Variants in INPP4B observed in about 807,000 individuals in gnomAD.
The protein encoded by INPP4B is inositol polyphosphate-4-phosphatase type II B.
In INPP4B, 55 loss-of-function variants were observed where a neutral mutation model predicts 122.5. The ratio of observed to expected loss-of-function variants is 0.45; its 90% CI spans 0.36 to 0.56. INPP4B has a LOEUF of 0.56. INPP4B is among the 20% of genes least tolerant of loss of function. The pLI, the probability that INPP4B is intolerant of heterozygous loss-of-function variation, is 0.00. For missense variants in INPP4B, 1,000 were observed against 1,097.7 expected (o/e 0.91, Z 1.26); for synonymous variants, 403 against 388.7 (o/e 1.04, Z -0.43).
intron 17 of INPP4B, among the ~76,000 whole-genome samples, chr4:142,149,216 G>A (rs1314239266): frequency 6.6e-6 from 1 of 152,204 alleles, no homozygotes. Flanking sequence ...CTGGCTCTCA[G>A]TAATTTTTGT....
At chr4:142,283,099 A>AAGG (rs1751941149) in intron 9 of INPP4B, among the ~76,000 whole-genome samples, 1 of 151,874 alleles carries the variant, frequency 6.6e-6, no homozygotes, top group African/African-American at 2.4e-5. Context: ...TAGGAGGAAG[A>AAGG]GGAGATGTAT....
intron 1 of INPP4B, among the ~76,000 whole-genome samples, chr4:142,832,732 G>A (rs73850577): frequency 0.019 from 2,942 of 151,532 alleles, 91 homozygotes; most frequent in African/African-American, 0.068. Flanking sequence ...GACAGCTCAT[G>A]TCTATTCACA....
chr4:142,492,497 G>C (rs191857047), intron 2 of INPP4B, among the ~76,000 whole-genome samples: 1 of 152,282 alleles, frequency 6.6e-6, no homozygotes, highest in African/African-American at 2.4e-5. Flanking sequence ...TTGTTGAATG[G>C]CTTTGACCAA....
chr4:142,196,498 A>G (rs772748907), intron 14 of INPP4B, among the ~76,000 whole-genome samples: 9 of 151,176 alleles, frequency 6.0e-5, no homozygotes, highest in Admixed American at 2.0e-4. Context: ...ATCATGTTCG[A>G]CTCCTCTCCT....
chr4:142,292,442 C>T (rs1242824392), intron 9 of INPP4B, among the ~76,000 whole-genome samples: 4 of 152,172 alleles, frequency 2.6e-5, no homozygotes, highest in Non-Finnish European at 4.4e-5. Context: ...GCCCAACAAA[C>T]AAGCAAACCC....
rs529072092 is a variant in INPP4B, at chr4:142,325,185, C to T, written c.373-10423G>A. ...GTTGCCAGAAGGAGCAGTGCTTGTC[C>T]CACCTACCACATCCTACCCAAACCG... On this transcript the variant is annotated intron_variant, in intron 7 of 25. Transcript: ENST00000262992. 4.6e-5 allele frequency among the ~76,000 whole-genome samples: 7 copies of T among 152,212 alleles called. No homozygotes were observed. In the South Asian group the frequency reaches 1.2e-3, roughly 27 times the overall value.
At chr4:142,088,932 G>A (rs1171741178) in intron 23 of INPP4B, among the ~76,000 whole-genome samples, 4 of 152,172 alleles carry the variant, frequency 2.6e-5, no homozygotes, top group Non-Finnish European at 5.9e-5. Context: ...AAAGATTTGT[G>A]AAGCAAGGGA....
intron 2 of INPP4B, among the ~76,000 whole-genome samples, chr4:142,700,444 A>G (rs916207970): frequency 1.3e-5 from 2 of 152,196 alleles, no homozygotes; most frequent in African/African-American, 4.8e-5. Flanking sequence ...AACTCAATCT[A>G]TAGGAATTGA....
At chr4:142,666,458 TAAC>T (rs1158361556) in intron 2 of INPP4B, among the ~76,000 whole-genome samples, 1 of 152,098 alleles carries the variant, frequency 6.6e-6, no homozygotes, top group African/African-American at 2.4e-5. Context: ...TTATGTGAGT[TAAC>T]AAATATTTAT....
At chr4:142,640,026 A>C (rs1750035791) in intron 2 of INPP4B, among the ~76,000 whole-genome samples, 1 of 152,132 alleles carries the variant, frequency 6.6e-6, no homozygotes, top group Non-Finnish European at 1.5e-5. Context: ...TTCAGTAATA[A>C]TATGAATAGT....
chr4:142,425,532 C>T (rs555640454), intron 5 of INPP4B, among the ~76,000 whole-genome samples: 1 of 151,990 alleles, frequency 6.6e-6, no homozygotes, highest in African/African-American at 2.4e-5. Flanking sequence ...TTATAAGAAC[C>T]CTATTATGTG....
At chr4:142,049,442 T>G (rs915306117) in intron 25 of INPP4B, among the ~76,000 whole-genome samples, 5 of 152,074 alleles carry the variant, frequency 3.3e-5, no homozygotes, top group African/African-American at 1.2e-4. Context: ...AAAGAAGTTA[T>G]GTAATAATTA....
Position 142,705,167 on chromosome 4 carries a change from A to G in INPP4B, c.-191+20672T>C, listed in dbSNP as rs76341131. On this transcript the variant is annotated intron_variant, in intron 2 of 25. Coordinates refer to ENST00000262992, the MANE Select transcript of INPP4B (RefSeq NM_001101669.3). ...CATATTTTATTTCCAATCTACACAT[A>G]TTTCCTGGAAATGTCCTCCACTGCC... Among the ~76,000 whole-genome samples, 272 of 151,952 alleles carry G rather than the reference A, an allele frequency of 1.8e-3. 6 individuals are homozygous for G. The East Asian group carries it at 0.045, about 25-fold the overall frequency.
intron 2 of INPP4B, among the ~76,000 whole-genome samples, chr4:142,498,775 G>A (rs531731454): frequency 1.1e-3 from 160 of 152,094 alleles, no homozygotes; most frequent in African/African-American, 3.7e-3. Context: ...GGTGACAGAC[G>A]GAGATCCTGT....
intron 8 of INPP4B, among the ~76,000 whole-genome samples, chr4:142,309,660 G>T (rs905403126): frequency 6.6e-6 from 1 of 152,140 alleles, no homozygotes; most frequent in Non-Finnish European, 1.5e-5. Flanking sequence ...TCTAGGACAG[G>T]TGGCAATTCC....
intron 10 of INPP4B, among the ~76,000 whole-genome samples, chr4:142,265,164 T>A (rs1742159434): frequency 6.6e-6 from 1 of 152,160 alleles, no homozygotes; most frequent in Non-Finnish European, 1.5e-5. Flanking sequence ...GAAAATAAAT[T>A]CCTGTTGTTT....
intron 1 of INPP4B, among the ~76,000 whole-genome samples, chr4:142,730,456 G>A (rs1242694433): frequency 6.6e-6 from 1 of 152,158 alleles, no homozygotes; most frequent in Non-Finnish European, 1.5e-5. Context: ...CAAGTGGAGT[G>A]TCTAACAGCT....
At chr4:142,832,666 T>A (rs537721549) in intron 1 of INPP4B, among the ~76,000 whole-genome samples, 2 of 152,330 alleles carry the variant, frequency 1.3e-5, no homozygotes, top group South Asian at 4.1e-4. Flanking sequence ...GAATTTAAAC[T>A]GCTTTAGGCA....
At position 142,271,108 on chromosome 4, in the gene INPP4B, C is replaced by T. The variant is rs139872428; in HGVS notation, c.504-334G>A. On this transcript the variant is annotated intron_variant, in intron 9 of 25. Transcript: ENST00000262992. ...CCTCCCGAGTAGCTGGGATTACAGG[C>T]ATGTGCCACCATGCCTGGCTACTTT... Among the ~76,000 whole-genome samples the T allele has an allele frequency of 4.9e-3, 723 of 148,300 alleles. 10 individuals are homozygous for T. Among genetic ancestry groups the T allele is most frequent in the African/African-American group, 0.017 (691 of 40,158 alleles).
Sources: gnomAD v4.1 joint callset for allele counts (sites outside exome capture counted in the v4.1 genomes callset) on GRCh38, gnomAD v4.1.1 for gene constraint, MANE v1.5 for transcripts, NCBI Gene and HGNC (gene_info 2026-07-23, HGNC 2026-07-21) for gene names.